The following DPY19L1 variants were observed in gnomAD, a reference collection of about 807,000 sequenced individuals.
DPY19L1 encodes protein C-mannosyl-transferase DPY19L1.
Under a neutral mutation model 96.9 loss-of-function variants are expected in DPY19L1, and 35 were observed. That is an observed-to-expected ratio of 0.36 (90% CI 0.28 to 0.48). DPY19L1 has a LOEUF of 0.48. Ranked by LOEUF, DPY19L1 falls within the 20% of genes least tolerant of loss-of-function variation. The pLI, the probability that DPY19L1 is intolerant of heterozygous loss-of-function variation, is 0.99. For synonymous variants in DPY19L1, 205 were observed against 252.6 expected (o/e 0.81, Z 1.79); for missense variants, 521 against 777.9 (o/e 0.67, Z 3.93).
intron 1 of DPY19L1, among the ~76,000 whole-genome samples, chr7:35,026,511 T>C (rs953687293): frequency 8.5e-5 from 13 of 152,158 alleles, no homozygotes; most frequent in African/African-American, 2.7e-4. Context: ...TCAGAGATCC[T>C]GATTCAATAG....
At chr7:34,958,992 G>A (rs970486023) in intron 10 of DPY19L1, among the ~76,000 whole-genome samples, 2 of 151,002 alleles carry the variant, frequency 1.3e-5, no homozygotes, top group Non-Finnish European at 2.9e-5. Context: ...CCAATATCCA[G>A]AATCTACAAA....
chr7:34,946,675 G>A (rs1001624878), intron 15 of DPY19L1, among the ~76,000 whole-genome samples: 7 of 152,170 alleles, frequency 4.6e-5, no homozygotes, highest in African/African-American at 7.2e-5. Flanking sequence ...AAGTGCTGTC[G>A]GAGTACACAG....
At chr7:34,983,733 TAA>T (rs1784990205) in intron 7 of DPY19L1, among the ~76,000 whole-genome samples, 1 of 151,812 alleles carries the variant, frequency 6.6e-6, no homozygotes, top group South Asian at 2.1e-4. Context: ...TAGTATTTTT[TAA>T]AAGTTGAACA....
At chr7:34,942,704 T>A in intron 16 of DPY19L1, 65 bp from the exon 17 acceptor site, 1 of 1,387,736 alleles carries the variant, frequency 7.2e-7, no homozygotes. Context: ...TATATTTGCA[T>A]TTTCATCTTG....
chr7:34,986,726 T>A (rs976877521), intron 7 of DPY19L1, among the ~76,000 whole-genome samples: 1 of 152,018 alleles, frequency 6.6e-6, no homozygotes, highest in African/African-American at 2.4e-5. Flanking sequence ...CAGAAATATG[T>A]TGTAGGTCAT....
Position 35,033,233 on chromosome 7 carries a change from T to G in DPY19L1, c.298+3864A>C, listed in dbSNP as rs575233983. On this transcript the variant is annotated intron_variant, in intron 1 of 21. Transcript: ENST00000638088. ...ATCTTTTCTTTCTATCGGTCTCAGC[T>G]TCAAGGCTACCTCCCCAGAGACCTT... 4.6e-5 allele frequency among the ~76,000 whole-genome samples: 7 copies of G among 152,352 alleles called. No homozygotes were observed. The South Asian group carries it at 1.4e-3, about 32-fold the overall frequency.
At chr7:34,980,652 A>G (rs1249364543) in intron 7 of DPY19L1, among the ~76,000 whole-genome samples, 1 of 152,176 alleles carries the variant, frequency 6.6e-6, no homozygotes, top group African/African-American at 2.4e-5. Context: ...ATTAAACAAA[A>G]GAGAGTATCT....
At chr7:34,980,878 A>AT (rs1170947270) in intron 7 of DPY19L1, among the ~76,000 whole-genome samples, 1 of 152,232 alleles carries the variant, frequency 6.6e-6, no homozygotes, top group Non-Finnish European at 1.5e-5. Context: ...TTTGGAAAAC[A>AT]ATGTGGATAC....
chr7:34,963,193 CAAA>C (rs58387078), intron 10 of DPY19L1, among the ~76,000 whole-genome samples: 122 of 78,784 alleles, frequency 1.5e-3, no homozygotes, highest in Middle Eastern at 6.1e-3. Flanking sequence ...AGATCTGTCT[CAAA>C]AAAAAAAAAA....
At chr7:34,955,195 A>C in intron 12 of DPY19L1, 113 bp downstream of exon 12, 1 of 1,327,648 alleles carries the variant, frequency 7.5e-7, no homozygotes, top group Non-Finnish European at 1.0e-6. Flanking sequence ...AAATACTATA[A>C]AACTGTTGGA....
intron 10 of DPY19L1, among the ~76,000 whole-genome samples, chr7:34,959,927 A>AAATATATATATT (rs1375393909): frequency 0.08 from 2,148 of 27,016 alleles, 25 homozygotes; most frequent in African/African-American, 0.12. Context: ...ATATATATTT[A>AAATATATATATT]TATATATATA....
intron 13 of DPY19L1, among the ~76,000 whole-genome samples, chr7:34,950,593 T>C (rs1388385357): frequency 6.6e-6 from 1 of 152,120 alleles, no homozygotes; most frequent in Non-Finnish European, 1.5e-5. Context: ...AAATTATATC[T>C]AGGACAAACC....
intron 15 of DPY19L1, among the ~76,000 whole-genome samples, chr7:34,946,278 C>T (rs1000166094): frequency 1.3e-5 from 2 of 152,156 alleles, no homozygotes; most frequent in African/African-American, 4.8e-5. Flanking sequence ...CCTTAGAATC[C>T]ACCAGCTGCT....
At chr7:35,015,498 A>T (rs1785825065) in intron 3 of DPY19L1, among the ~76,000 whole-genome samples, 1 of 152,184 alleles carries the variant, frequency 6.6e-6, no homozygotes, top group Non-Finnish European at 1.5e-5. Context: ...ACATTAGCAT[A>T]CTAAAGGAAA....
intron 7 of DPY19L1, among the ~76,000 whole-genome samples, chr7:34,976,694 A>C (rs1050351888): frequency 4.6e-5 from 7 of 152,306 alleles, no homozygotes; most frequent in African/African-American, 1.4e-4. Flanking sequence ...CAGCTATCCC[A>C]ATCTTCAGCA....
chr7:35,027,118 C>T (rs112629688), intron 1 of DPY19L1, among the ~76,000 whole-genome samples: 28 of 152,098 alleles, frequency 1.8e-4, no homozygotes, highest in African/African-American at 4.3e-4. Context: ...GCAGAAGAAA[C>T]GCTTGAATCC....
chr7:34,935,798 T>C (rs1783856403), intron 21 of DPY19L1, among the ~76,000 whole-genome samples: 1 of 152,222 alleles, frequency 6.6e-6, no homozygotes, highest in Non-Finnish European at 1.5e-5. Flanking sequence ...CTACTCTAAA[T>C]GTAAACACTA....
At chr7:34,996,082 C>T (rs1264213018) in intron 6 of DPY19L1, among the ~76,000 whole-genome samples, 8 of 152,156 alleles carry the variant, frequency 5.3e-5, no homozygotes, top group African/African-American at 7.2e-5. Context: ...CTCTATCTGC[C>T]GATTCTAACT....
intron 15 of DPY19L1, among the ~76,000 whole-genome samples, 163 bp downstream of exon 15, chr7:34,947,467 T>C (rs1237013853): frequency 1.3e-5 from 2 of 152,192 alleles, no homozygotes; most frequent in South Asian, 2.1e-4. Flanking sequence ...TTTGAAGCTA[T>C]ATAAATGTCT....
Sources: allele counts gnomAD v4.1 joint callset (sites outside exome capture counted in the v4.1 genomes callset), GRCh38; gene constraint gnomAD v4.1.1; transcripts MANE v1.5; gene names NCBI Gene and HGNC (gene_info 2026-07-23, HGNC 2026-07-21).